AUH: variants seen among roughly 807,000 people sequenced by gnomAD.
AUH encodes AU RNA binding methylglutaconyl-CoA hydratase, also known as methylglutaconyl-CoA hydratase, mitochondrial.
A neutral mutation model predicts 42.3 loss-of-function variants in AUH; 29 were observed. That is an observed-to-expected ratio of 0.69 (90% CI 0.51 to 0.93). The LOEUF (loss-of-function observed/expected upper bound fraction) is 0.93, where lower values mean the gene tolerates loss of function less well. Among genes scored for constraint, AUH ranks in the 40% least tolerant of loss-of-function variants. The pLI is 0.00. For missense variants in AUH, 452 were observed against 438.1 expected, an observed-to-expected ratio of 1.03 and a Z score of -0.28; for synonymous variants, 174 against 166.4, an observed-to-expected ratio of 1.05 and a Z score of -0.35.
chr9:91,295,900 AAAC>A, intron 6 of AUH, 118 bp downstream of exon 6: 2 of 1,141,652 alleles, frequency 1.8e-6, no homozygotes, highest in Non-Finnish European at 2.6e-6. Flanking sequence ...CTAGGGATGC[AAAC>A]AATATGCCAT....
At chr9:91,218,370 G>A (rs776579817) in intron 7 of AUH, among the ~76,000 whole-genome samples, 1 of 152,012 alleles carries the variant, frequency 6.6e-6, no homozygotes, top group African/African-American at 2.4e-5. Flanking sequence ...TTTTTTTCAT[G>A]ATAATCAATC....
At chr9:91,287,442 G>A (rs777174493) in intron 6 of AUH, among the ~76,000 whole-genome samples, 15 of 152,152 alleles carry the variant, frequency 9.9e-5, no homozygotes, top group South Asian at 2.1e-4. Flanking sequence ...AAAAGTGACA[G>A]CATTTGAGTA....
chr9:91,294,314 T>C (rs1298553711), intron 6 of AUH, among the ~76,000 whole-genome samples: 1 of 152,132 alleles, frequency 6.6e-6, no homozygotes, highest in African/African-American at 2.4e-5. Flanking sequence ...CTTTGGGAGC[T>C]TGAGGCAGGC....
intron 6 of AUH, among the ~76,000 whole-genome samples, chr9:91,232,605 A>G (rs530636623): frequency 8.0e-4 from 122 of 152,354 alleles, no homozygotes; most frequent in Non-Finnish European, 1.3e-3. Flanking sequence ...CTATGTCCAG[A>G]TCAGCAAGCA....
At chr9:91,345,177 T>G (rs1366765623) in intron 3 of AUH, among the ~76,000 whole-genome samples, 1 of 151,980 alleles carries the variant, frequency 6.6e-6, no homozygotes, top group Middle Eastern at 3.2e-3. Context: ...CTGCTTTTAG[T>G]CAACTCTATA....
At chr9:91,319,040 T>G (rs1417877389) in intron 4 of AUH, among the ~76,000 whole-genome samples, 2 of 152,224 alleles carry the variant, frequency 1.3e-5, no homozygotes, top group African/African-American at 4.8e-5. Context: ...GGCATAAAGT[T>G]TTTTCCCAGT....
intron 3 of AUH, among the ~76,000 whole-genome samples, chr9:91,341,970 T>C (rs994113533): frequency 6.6e-6 from 1 of 152,056 alleles, no homozygotes; most frequent in Non-Finnish European, 1.5e-5. Flanking sequence ...AGAATGAGCT[T>C]TGTCAAGCAG....
intron 6 of AUH, among the ~76,000 whole-genome samples, chr9:91,288,766 T>C (rs924319573): frequency 3.3e-5 from 5 of 152,158 alleles, no homozygotes; most frequent in African/African-American, 7.2e-5. Context: ...ATACTTTTAA[T>C]AGTCATTTGA....
At chr9:91,255,087 A>C (rs561316834) in intron 6 of AUH, among the ~76,000 whole-genome samples, 5 of 152,342 alleles carry the variant, frequency 3.3e-5, no homozygotes, top group Non-Finnish European at 7.4e-5. Flanking sequence ...TATATTTAAA[A>C]AGTTCTCATC....
chr9:91,358,424 C>A (rs955894507), intron 1 of AUH, among the ~76,000 whole-genome samples: 2 of 152,142 alleles, frequency 1.3e-5, no homozygotes, highest in African/African-American at 2.4e-5. Flanking sequence ...ACTAGCTATT[C>A]GGCAAGTTAC....
intron 6 of AUH, among the ~76,000 whole-genome samples, chr9:91,260,090 C>T (rs1188079129): frequency 6.6e-6 from 1 of 152,064 alleles, no homozygotes; most frequent in South Asian, 2.1e-4. Context: ...AACATCCCTT[C>T]TTTATCTTAG....
intron 6 of AUH, among the ~76,000 whole-genome samples, chr9:91,269,678 G>A (rs1409712784): frequency 6.6e-6 from 1 of 152,186 alleles, no homozygotes; most frequent in Non-Finnish European, 1.5e-5. Flanking sequence ...AGAAGGAAAA[G>A]AGGGATATAT....
intron 4 of AUH, among the ~76,000 whole-genome samples, chr9:91,301,678 G>T (rs1827795383): frequency 6.6e-6 from 1 of 152,162 alleles, no homozygotes; most frequent in Admixed American, 6.5e-5. Flanking sequence ...AGCCAGCCTA[G>T]GTGCCAAGAG....
chr9:91,293,306 G>A (rs993964360), intron 6 of AUH, among the ~76,000 whole-genome samples: 1 of 152,236 alleles, frequency 6.6e-6, no homozygotes, highest in African/African-American at 2.4e-5. Context: ...CAAAAGCTGA[G>A]ATCAGCCAAA....
chr9:91,222,555 C>A lies in AUH; in HGVS notation c.656-1563G>T, dbSNP rs188433571. Among the ~76,000 whole-genome samples the A allele has an allele frequency of 1.6e-4, 24 of 152,234 alleles. No individual in the cohort carries two copies. The East Asian group carries it at 4.4e-3, about 28-fold the overall frequency. On this transcript the variant is annotated intron_variant, in intron 6 of 9. Coordinates refer to ENST00000375731, the MANE Select transcript of AUH (RefSeq NM_001698.3). ...ACGGCAGAAAATATGTGTCTGAAGA[C>A]AATGAATTATTGACAAATTTAAATT... is the stretch of plus-strand genomic sequence containing the variant.
chr9:91,347,357 C>A (rs1240003040), intron 3 of AUH, among the ~76,000 whole-genome samples: 1 of 152,136 alleles, frequency 6.6e-6, no homozygotes, highest in African/African-American at 2.4e-5. Context: ...GTGCCTGGCT[C>A]TGAACCCCGC....
intron 6 of AUH, among the ~76,000 whole-genome samples, chr9:91,277,886 G>A (rs1274467959): frequency 6.6e-6 from 1 of 152,054 alleles, no homozygotes; most frequent in African/African-American, 2.4e-5. Context: ...TGAATGCTCT[G>A]GGAGTTAAAT....
intron 6 of AUH, among the ~76,000 whole-genome samples, chr9:91,230,362 T>C (rs1827796742): frequency 2.0e-5 from 3 of 152,208 alleles, no homozygotes. Flanking sequence ...CTGAGGCTTC[T>C]GCATTCTTCA....
chr9:91,296,554 C>T (rs1827346899), intron 5 of AUH, among the ~76,000 whole-genome samples: 1 of 152,170 alleles, frequency 6.6e-6, no homozygotes, highest in African/African-American at 2.4e-5. Context: ...TTTTACTATT[C>T]TGACAGGTGG....
Sources: gnomAD v4.1 joint callset for allele counts (sites outside exome capture counted in the v4.1 genomes callset) on GRCh38, gnomAD v4.1.1 for gene constraint, MANE v1.5 for transcripts, NCBI Gene and HGNC (gene_info 2026-07-23, HGNC 2026-07-21) for gene names.